Variants in RIMKLA observed in about 807,000 individuals in gnomAD.
RIMKLA encodes the protein ribosomal modification protein rimK like family member A.
RIMKLA carries 14 observed loss-of-function variants against 32.7 expected under a neutral mutation model. The ratio of observed to expected loss-of-function variants is 0.43; its 90% CI spans 0.28 to 0.67. RIMKLA has a LOEUF of 0.67. RIMKLA is among the 30% of genes least tolerant of loss of function. RIMKLA has a pLI of 0.18. For missense variants in RIMKLA, 410 were observed against 519.0 expected (o/e 0.79, Z 2.04); for synonymous variants, 176 against 204.1 (o/e 0.86, Z 1.18).
rs1281892018 is a variant in RIMKLA, at chr1:42,420,888, TAAAC to T, written c.*5919_*5922del. 1 of 152,250 alleles carries T rather than the reference TAAAC, an allele frequency of 6.6e-6. No individual in the cohort carries two copies. Among genetic ancestry groups the T allele is most frequent in the African/African-American group, 2.4e-5 (1 of 41,466 alleles). 9.4% of individuals were successfully genotyped at this position (152,250 alleles called of 1,614,324 possible). A position where few individuals can be genotyped will look rare whatever the true frequency, so the allele number is the denominator to read the frequency against. On this transcript the variant is annotated 3_prime_UTR_variant, in exon 5 of 5. Coordinates refer to ENST00000431473, the MANE Select transcript of RIMKLA (RefSeq NM_173642.4). ...TTTTGTCACCTATAAATGTGATACA[TAAAC>T]AAACTTGAATGTGTCGCACTTAACC... is the stretch of plus-strand genomic sequence containing the variant.
At chr1:42,394,004 C>T (rs566818682) in intron 1 of RIMKLA, among the ~76,000 whole-genome samples, 28 of 152,228 alleles carry the variant, frequency 1.8e-4, no homozygotes, top group African/African-American at 5.8e-4. Flanking sequence ...AGCCTGGTCT[C>T]GATCTCCTGA....
chr1:42,406,781 G>A (rs898988829), intron 3 of RIMKLA, among the ~76,000 whole-genome samples: 5 of 152,134 alleles, frequency 3.3e-5, no homozygotes, highest in African/African-American at 1.2e-4. Context: ...AAAGACTAAT[G>A]ATGTTGAACA....
At position 42,380,832 on chromosome 1, in the gene RIMKLA, G is replaced by A; in HGVS notation, c.-103G>A. On this transcript the variant is annotated 5_prime_UTR_variant, in exon 1 of 5. Coordinates refer to ENST00000431473, the MANE Select transcript of RIMKLA (RefSeq NM_173642.4). ...GCACCCGCGGGAGCGGAGCCGTGGC[G>A]CGCTCGCCCCGGACGCCGGCCGCCC... 1.5e-6 allele frequency: 1 copy of A among 653,426 alleles called. No homozygotes were observed. The highest frequency in any genetic ancestry group is 6.9e-5 in the South Asian group (1 of 14,482). 40.5% of individuals were successfully genotyped at this position (653,426 alleles called of 1,614,324 possible).
intron 3 of RIMKLA, among the ~76,000 whole-genome samples, chr1:42,407,428 G>A (rs980681911): frequency 1.6e-4 from 25 of 151,932 alleles, no homozygotes; most frequent in Non-Finnish European, 2.6e-4. Flanking sequence ...TTACATTTAT[G>A]TTGCCTTCTA....
chr1:42,396,960 G>A (rs1344114541), intron 1 of RIMKLA, among the ~76,000 whole-genome samples: 2 of 151,800 alleles, frequency 1.3e-5, no homozygotes, highest in Admixed American at 1.3e-4. Context: ...TTTACCTTTC[G>A]CATTATTTCC....
rs1643299941 is a variant in RIMKLA, at chr1:42,422,049, C to T, written c.*7075C>T. The T allele has an allele frequency of 6.6e-6, 1 of 152,102 alleles. No homozygotes were observed. The highest frequency in any genetic ancestry group is 2.4e-5 in the African/African-American group (1 of 41,396). 9.4% of individuals were successfully genotyped at this position (152,102 alleles called of 1,614,324 possible). On this transcript the variant is annotated 3_prime_UTR_variant, in exon 5 of 5. Coordinates refer to ENST00000431473, the MANE Select transcript of RIMKLA (RefSeq NM_173642.4). ...TTGGCAAACACTCTATATCAAGACC[C>T]CCCTCCCCGAGAGCTGGTTGTTAAA... is the stretch of plus-strand genomic sequence containing the variant.
At chr1:42,398,076 C>T (rs1402252089) in intron 1 of RIMKLA, among the ~76,000 whole-genome samples, 2 of 152,144 alleles carry the variant, frequency 1.3e-5, no homozygotes, top group African/African-American at 4.8e-5. Context: ...AATCCATCTC[C>T]CTATAGCATC....
At chr1:42,403,408 A>T (rs1322854425) in intron 2 of RIMKLA, among the ~76,000 whole-genome samples, 2 of 152,224 alleles carry the variant, frequency 1.3e-5, no homozygotes, top group African/African-American at 4.8e-5. Context: ...GGGCGGATGT[A>T]GTCCCTTGGG....
intron 1 of RIMKLA, among the ~76,000 whole-genome samples, chr1:42,387,234 G>C (rs1435998739): frequency 6.6e-6 from 1 of 151,702 alleles, no homozygotes; most frequent in East Asian, 1.9e-4. Flanking sequence ...CAGTGAGACT[G>C]TTTATTTATT....
In RIMKLA at chr1:42,380,955, C is replaced by G. The variant is rs1327300135; in HGVS notation, c.21C>G (p.Phe7Leu). 1 of 1,449,034 alleles carries G rather than the reference C, an allele frequency of 6.9e-7. No individual in the cohort carries two copies. 89.8% of individuals were successfully genotyped at this position (1,449,034 alleles called of 1,614,324 possible). A position where few individuals can be genotyped will look rare whatever the true frequency, so the allele number is the denominator to read the frequency against. The change falls in exon 1 of 5, where the codon TTC becomes TTG. Residue 7 changes from phenylalanine to leucine, a missense_variant. Transcript: ENST00000431473. The stretch of plus-strand genomic sequence containing the variant: ...CCGCCATGTGCTCCCAGCTCTGGTT[C>G]CTGACGGACCGGCGCATCCGCGAGG... Reference protein sequence around the residue: MCSQLWFLTDRRIREDY... With the variant: MCSQLWLLTDRRIREDY...
chr1:42,381,262 C>A (rs968529500), intron 1 of RIMKLA, among the ~76,000 whole-genome samples, 165 bp downstream of exon 1: 1 of 152,220 alleles, frequency 6.6e-6, no homozygotes, highest in Admixed American at 6.5e-5. Context: ...AGCCGCTAAC[C>A]TTCATAGCTT....
chr1:42,402,968 G>A (rs764406599), intron 2 of RIMKLA, among the ~76,000 whole-genome samples: 9 of 152,068 alleles, frequency 5.9e-5, no homozygotes, highest in Non-Finnish European at 1.0e-4. Context: ...CAATAGATTT[G>A]TGTTGTTTGA....
rs1642935672 is a variant in RIMKLA, at chr1:42,385,832, CTTTCTTTCTTTCTCTTTCTTT to C, written c.163+4736_163+4756del. On this transcript the variant is annotated intron_variant, in intron 1 of 4. Transcript: ENST00000431473. ...CTTTCCTTCCTTCCTTCCTTCCTTTCTTTCTTTCTTTCTCTTTCTTTCTTTCTTTCTTTCTTTCTTTCTTTC... is the reference window on the plus strand; with the variant it reads ...CTTTCCTTCCTTCCTTCCTTCCTTTCCTTTCTTTCTTTCTTTCTTTCTTTC... Among the ~76,000 whole-genome samples, 50 of 73,352 alleles carry C rather than the reference CTTTCTTTCTTTCTCTTTCTTT, an allele frequency of 6.8e-4. 1 individual carries two copies. Among genetic ancestry groups the C allele is most frequent in the Non-Finnish European group, 1.1e-3 (35 of 31,150 alleles). The allele number at this position is 73,352 out of a possible 152,430, so 48.1% of individuals were successfully genotyped here.
intron 1 of RIMKLA, among the ~76,000 whole-genome samples, chr1:42,389,786 T>C (rs111382166): frequency 0.15 from 22,827 of 151,702 alleles, 1,795 homozygotes; most frequent in East Asian, 0.23. Context: ...TGCACTCAAG[T>C]CTGGGTGACA....
At chr1:42,385,809 T>C (rs55860820) in intron 1 of RIMKLA, among the ~76,000 whole-genome samples, 3,972 of 66,956 alleles carry the variant, frequency 0.059, 327 homozygotes, top group Non-Finnish European at 0.068. Flanking sequence ...CTCTCTCTCT[T>C]TCCTTCCTTC....
chr1:42,407,372 G>A (rs1467596382), intron 3 of RIMKLA, among the ~76,000 whole-genome samples: 2 of 151,628 alleles, frequency 1.3e-5, no homozygotes, highest in Non-Finnish European at 2.9e-5. Flanking sequence ...GTTTCCATAT[G>A]CTTTTGATGT....
rs979423865 is a variant in RIMKLA, at chr1:42,421,784, T to C, written c.*6810T>C. The C allele has an allele frequency of 2.0e-5, 3 of 152,230 alleles. No individual in the cohort carries two copies. The highest frequency in any genetic ancestry group is 2.0e-4 in the Admixed American group (3 of 15,284). The allele number at this position is 152,230 out of a possible 1,614,324, so 9.4% of individuals were successfully genotyped here. A position where few individuals can be genotyped will look rare whatever the true frequency, so the allele number is the denominator to read the frequency against. On this transcript the variant is annotated 3_prime_UTR_variant, in exon 5 of 5. Transcript: ENST00000431473. The surrounding 1 kb of genome is among the most constrained non-coding windows in gnomAD (Gnocchi z 4.6). Reference sequence around the variant, plus strand: ...CACAGCCACAGTGACCATTAGAGATTATATTAACCTGCAATTAAATAAAGT... The same window carrying C: ...CACAGCCACAGTGACCATTAGAGATCATATTAACCTGCAATTAAATAAAGT...
intron 1 of RIMKLA, among the ~76,000 whole-genome samples, chr1:42,390,019 C>G (rs79211234): frequency 0.15 from 22,509 of 148,052 alleles, 1,816 homozygotes; most frequent in East Asian, 0.23. Flanking sequence ...AGACAGGATT[C>G]AGAGGATTTT....
At chr1:42,394,244 T>C (rs1023063456) in intron 1 of RIMKLA, among the ~76,000 whole-genome samples, 3 of 152,220 alleles carry the variant, frequency 2.0e-5, no homozygotes, top group African/African-American at 7.2e-5. Flanking sequence ...GTTTTCTTAA[T>C]TTTTCTGCTT....
Sources: gnomAD v4.1 joint callset for allele counts (sites outside exome capture counted in the v4.1 genomes callset) on GRCh38, gnomAD v4.1.1 for gene constraint, Gnocchi (gnomAD v3.1) non-coding constraint, MANE v1.5 for transcripts, NCBI Gene and HGNC (gene_info 2026-07-23, HGNC 2026-07-21) for gene names.